The following STK32B variants were observed in gnomAD, a reference collection of about 807,000 sequenced individuals.
The protein encoded by STK32B is serine/threonine-protein kinase 32B.
In STK32B, 43 loss-of-function variants were observed where a neutral mutation model predicts 52.6. That is an observed-to-expected ratio of 0.82 (90% CI 0.64 to 1.05). The LOEUF is 1.05. STK32B is among the 50% of genes least tolerant of loss of function. The probability of loss-of-function intolerance (pLI) is 0.00; values close to 1 mark genes in which losing one functional copy is unlikely to be tolerated. For missense variants in STK32B, 621 were observed against 534.6 expected (o/e 1.16, Z -1.59); for synonymous variants, 238 against 204.3 (o/e 1.17, Z -1.41).
At chr4:5,241,820 T>G (rs1725047804) in intron 3 of STK32B, among the ~76,000 whole-genome samples, 1 of 152,166 alleles carries the variant, frequency 6.6e-6, no homozygotes, top group South Asian at 2.1e-4. Flanking sequence ...AGTGAGAACA[T>G]GCGGTGTTTG....
chr4:5,490,070 T>C (rs1719583583), intron 11 of STK32B, among the ~76,000 whole-genome samples: 1 of 151,882 alleles, frequency 6.6e-6, no homozygotes, highest in Non-Finnish European at 1.5e-5. Flanking sequence ...AAAAATGAGA[T>C]AAGGCTAAAT....
chr4:5,299,272 T>G (rs960721893), intron 3 of STK32B, among the ~76,000 whole-genome samples: 1 of 152,048 alleles, frequency 6.6e-6, no homozygotes, highest in Non-Finnish European at 1.5e-5. Context: ...CTTTTTATCT[T>G]TTTTTAAAAT....
chr4:5,316,227 A>G (rs1730695424), intron 3 of STK32B, among the ~76,000 whole-genome samples: 1 of 80,446 alleles, frequency 1.2e-5, no homozygotes, highest in East Asian at 3.3e-4. Flanking sequence ...AATATATTAT[A>G]TATACAATAT....
intron 2 of STK32B, among the ~76,000 whole-genome samples, chr4:5,141,942 G>C (rs1460430037): frequency 6.6e-6 from 1 of 151,618 alleles, no homozygotes; most frequent in Non-Finnish European, 1.5e-5. Context: ...CTTTGTTAGA[G>C]AAGGACTTCC....
At chr4:5,446,301 C>T (rs914923300) in intron 6 of STK32B, among the ~76,000 whole-genome samples, 6 of 152,214 alleles carry the variant, frequency 3.9e-5, no homozygotes, top group South Asian at 2.1e-4. Context: ...TGCGATGGCT[C>T]ACGCCTGTAA....
chr4:5,041,887 C>A, the STK32B span, among the ~76,000 whole-genome samples: 1 of 151,742 alleles, frequency 6.6e-6, no homozygotes, highest in Admixed American at 6.6e-5. Context: ...TTACTCTAAG[C>A]AAACCAGACT....
intron 4 of STK32B, among the ~76,000 whole-genome samples, chr4:5,346,760 T>G (rs746217360): frequency 1.3e-5 from 2 of 151,866 alleles, no homozygotes; most frequent in Non-Finnish European, 2.9e-5. Context: ...TAAGTGTCAG[T>G]CACTGTATTA....
intron 3 of STK32B, among the ~76,000 whole-genome samples, chr4:5,193,760 A>G (rs62290537): frequency 0.098 from 14,982 of 152,300 alleles, 892 homozygotes; most frequent in Non-Finnish European, 0.13. Context: ...ATTGTTCCCA[A>G]CAAATGTGCG....
intron 3 of STK32B, among the ~76,000 whole-genome samples, chr4:5,313,655 G>A (rs765688600): frequency 1.3e-5 from 2 of 152,132 alleles, no homozygotes; most frequent in Non-Finnish European, 2.9e-5. Context: ...GTACATATGT[G>A]TATGTGCGTG....
At chr4:5,037,834 C>T in the STK32B span, among the ~76,000 whole-genome samples, 5 of 152,136 alleles carry the variant, frequency 3.3e-5, no homozygotes, top group Non-Finnish European at 7.4e-5. Context: ...CTTCATTGGG[C>T]TGTGAGGGTG....
At chr4:5,461,402 C>T (rs575882749) in intron 9 of STK32B, among the ~76,000 whole-genome samples, 1 of 152,308 alleles carries the variant, frequency 6.6e-6, no homozygotes, top group Non-Finnish European at 1.5e-5. Flanking sequence ...ATTTTAAAGA[C>T]TTCCGTCACT....
chr4:5,072,161 A>G (rs908166396), intron 1 of STK32B, among the ~76,000 whole-genome samples: 1 of 152,194 alleles, frequency 6.6e-6, no homozygotes, highest in African/African-American at 2.4e-5. Flanking sequence ...TTAAAGTAAT[A>G]GTTATTTAAA....
chr4:5,157,761 T>G (rs2108717199), intron 2 of STK32B, among the ~76,000 whole-genome samples: 1 of 152,304 alleles, frequency 6.6e-6, no homozygotes, highest in Middle Eastern at 3.4e-3. Flanking sequence ...TATTAAACAG[T>G]TTTGACTGCA....
intron 1 of STK32B, among the ~76,000 whole-genome samples, chr4:5,102,716 A>C (rs1325651548): frequency 6.7e-6 from 1 of 149,566 alleles, no homozygotes; most frequent in Non-Finnish European, 1.5e-5. Flanking sequence ...TTTTGTTTTT[A>C]ATTTTTAGTA....
At chr4:5,172,524 G>T (rs1449557671) in intron 3 of STK32B, among the ~76,000 whole-genome samples, 1 of 152,080 alleles carries the variant, frequency 6.6e-6, no homozygotes, top group Non-Finnish European at 1.5e-5. Flanking sequence ...ATGAAGGGTT[G>T]TTGAATTTTG....
chr4:5,414,552 T>C (rs543384714), intron 5 of STK32B, among the ~76,000 whole-genome samples: 11 of 152,248 alleles, frequency 7.2e-5, no homozygotes, highest in Admixed American at 5.9e-4. Flanking sequence ...TTGGGGGACA[T>C]TGGGGAGCAC....
At chr4:5,420,466 C>T (rs758342608) in intron 6 of STK32B, among the ~76,000 whole-genome samples, 29 of 152,096 alleles carry the variant, frequency 1.9e-4, no homozygotes, top group Non-Finnish European at 3.2e-4. Context: ...ATGGGGGCAA[C>T]GGCAACTTCT....
rs145768858 is a variant in STK32B at position 5,291,812 on chromosome 4, T to C, written c.261-39408T>C. 1.6e-3 allele frequency among the ~76,000 whole-genome samples: 250 copies of C among 152,228 alleles called. 1 individual carries two copies. The highest frequency in any genetic ancestry group is 2.5e-3 in the Non-Finnish European group (167 of 68,008). On this transcript the variant is annotated intron_variant, in intron 3 of 11. Transcript: ENST00000282908. ...TTGTTTTTTGTTTGTTTGTTTGTTT[T>C]TTCATAGATGCCCTTTATTAAGTTG...
intron 3 of STK32B, among the ~76,000 whole-genome samples, chr4:5,321,988 T>C (rs1731524709): frequency 7.0e-6 from 1 of 143,616 alleles, no homozygotes; most frequent in African/African-American, 2.7e-5. Context: ...TTCAAGACTC[T>C]TGTGCCTCAA....
Sources: allele counts gnomAD v4.1 joint callset (sites outside exome capture counted in the v4.1 genomes callset), GRCh38; gene constraint gnomAD v4.1.1; transcripts MANE v1.5; gene names NCBI Gene and HGNC (gene_info 2026-07-23, HGNC 2026-07-21).